Variants in SUN3 observed in about 807,000 individuals in gnomAD.
The protein encoded by SUN3 is SUN domain-containing protein 3.
In SUN3, 36 loss-of-function variants were observed where a neutral mutation model predicts 48.2. That is an observed-to-expected ratio of 0.75 (90% CI 0.57 to 0.99). SUN3 has a LOEUF of 0.99. Ranked by LOEUF, SUN3 falls within the 50% of genes least tolerant of loss-of-function variation. The probability of loss-of-function intolerance (pLI) is 0.00; values close to 1 mark genes in which losing one functional copy is unlikely to be tolerated. For missense variants in SUN3, 419 were observed against 433.1 expected (o/e 0.97, Z 0.29); for synonymous variants, 148 against 147.9 (o/e 1.00, Z 0.00).
the SUN3 span, among the ~76,000 whole-genome samples, chr7:48,034,743 C>G: frequency 6.6e-6 from 1 of 152,152 alleles, no homozygotes; most frequent in Non-Finnish European, 1.5e-5. Context: ...ACTCATTGTA[C>G]TTTCTGTAGA....
rs1790213422 is a variant in SUN3, at chr7:48,028,941, T to C, written c.-3A>G. The C allele has an allele frequency of 6.2e-7, 1 of 1,613,590 alleles. No individual in the cohort carries two copies. The highest frequency in any genetic ancestry group is 8.5e-7 in the Non-Finnish European group (1 of 1,179,794). ...CTTGCCTTTGTTTTTCCACTCATGA[T>C]CCCCTACCAAAGAACAAACAGCTGG... On this transcript the variant is annotated 5_prime_UTR_variant, in exon 1 of 10. Transcript: ENST00000297325.
chr7:48,032,661 A>T (rs1369645265), upstream of SUN3, among the ~76,000 whole-genome samples: 1 of 152,246 alleles, frequency 6.6e-6, no homozygotes, highest in Non-Finnish European at 1.5e-5. Flanking sequence ...AAAAAGCACA[A>T]AATGTAAAAG....
intron 2 of SUN3, among the ~76,000 whole-genome samples, chr7:48,018,753 T>G (rs1245710837): frequency 6.6e-6 from 1 of 152,062 alleles, no homozygotes; most frequent in African/African-American, 2.4e-5. Flanking sequence ...AATATTAAAA[T>G]GCTCAATTTG....
chr7:48,016,931 A>T (rs982567445), intron 3 of SUN3, among the ~76,000 whole-genome samples: 5 of 152,136 alleles, frequency 3.3e-5, no homozygotes, highest in African/African-American at 1.2e-4. Context: ...CAGAGAGAGA[A>T]ATGGGGCCAA....
At chr7:48,031,780 A>T (rs940196599), upstream of SUN3, among the ~76,000 whole-genome samples, 2 of 152,118 alleles carry the variant, frequency 1.3e-5, no homozygotes, top group Non-Finnish European at 2.9e-5. Flanking sequence ...TTACAAGCCA[A>T]GATATAAAAA....
intron 8 of SUN3, among the ~76,000 whole-genome samples, chr7:47,992,783 A>G (rs1789103738): frequency 6.6e-6 from 1 of 152,206 alleles, no homozygotes; most frequent in Admixed American, 6.5e-5. Flanking sequence ...AATCAACATA[A>G]TGGGGGAATA....
At chr7:48,003,111 G>A (rs1305486884) in intron 6 of SUN3, among the ~76,000 whole-genome samples, 1 of 152,012 alleles carries the variant, frequency 6.6e-6, no homozygotes, top group Non-Finnish European at 1.5e-5. Context: ...ATATGGAAGG[G>A]GTCCAATTTC....
chr7:47,997,748 C>T (rs1409648364), intron 6 of SUN3, among the ~76,000 whole-genome samples: 1 of 152,166 alleles, frequency 6.6e-6, no homozygotes, highest in Non-Finnish European at 1.5e-5. Flanking sequence ...ACCTCTCTCC[C>T]CAAGCCTTGG....
At chr7:47,995,012 G>A (rs1451097259) in intron 7 of SUN3, among the ~76,000 whole-genome samples, 1 of 152,052 alleles carries the variant, frequency 6.6e-6, no homozygotes, top group African/African-American at 2.4e-5. Context: ...TGCAATAGTG[G>A]TCATGGCAAT....
chr7:48,006,102 C>CT, intron 5 of SUN3, 49 bp from the exon 6 acceptor site: 1 of 1,326,812 alleles, frequency 7.5e-7, no homozygotes, highest in Non-Finnish European at 1.1e-6. Context: ...TTGCCAACTG[C>CT]TTGAGTTTTG....
intron 4 of SUN3, among the ~76,000 whole-genome samples, chr7:48,008,257 T>A (rs4332046): frequency 0.47 from 70,872 of 152,012 alleles, 17,300 homozygotes; most frequent in African/African-American, 0.62. Flanking sequence ...CATTTGTAAA[T>A]CAATACATGT....
intron 2 of SUN3, among the ~76,000 whole-genome samples, 171 bp from the exon 3 acceptor site, chr7:48,017,536 G>A (rs1013830030): frequency 2.0e-5 from 3 of 152,120 alleles, no homozygotes; most frequent in African/African-American, 4.8e-5. Flanking sequence ...AAAAAATCAG[G>A]CCTCCATGTA....
At chr7:47,990,625 C>T (rs1789031582) in intron 8 of SUN3, among the ~76,000 whole-genome samples, 1 of 152,066 alleles carries the variant, frequency 6.6e-6, no homozygotes, top group Non-Finnish European at 1.5e-5. Context: ...TGGGGAGGGG[C>T]AGGCCACCCC....
At chr7:48,007,136 T>TAGG (rs1348270465) in intron 5 of SUN3, 29 bp downstream of exon 5, 2 of 946,264 alleles carry the variant, frequency 2.1e-6, no homozygotes, top group Admixed American at 1.9e-5. Context: ...CACCCCACCC[T>TAGG]GCCCAACCCG....
At chr7:48,003,029 CT>C (rs58133143) in intron 6 of SUN3, among the ~76,000 whole-genome samples, 40,277 of 147,882 alleles carry the variant, frequency 0.27, 6,027 homozygotes, top group East Asian at 0.33. Context: ...CCAGGGTTTT[CT>C]TTTTTTTTTT....
At chr7:47,998,984 C>T (rs1789286948) in intron 6 of SUN3, among the ~76,000 whole-genome samples, 1 of 152,100 alleles carries the variant, frequency 6.6e-6, no homozygotes, top group Non-Finnish European at 1.5e-5. Flanking sequence ...CTTCTAGTTC[C>T]TTCACCATTC....
the SUN3 span, among the ~76,000 whole-genome samples, chr7:48,035,298 C>T: frequency 3.0e-4 from 45 of 151,928 alleles, no homozygotes; most frequent in African/African-American, 1.0e-3. The surrounding 1 kb of genome is among the most constrained non-coding windows in gnomAD (Gnocchi z 4.0). Context: ...AGGCCCTGCT[C>T]CCACCCCCGC....
intron 6 of SUN3, 32 bp downstream of exon 6, chr7:48,005,937 A>G (rs377014353): frequency 2.2e-6 from 3 of 1,390,970 alleles, no homozygotes; most frequent in Non-Finnish European, 3.0e-6. Context: ...TTTTTTTTTT[A>G]ATGTTCCTCT....
chr7:48,002,490 C>T (rs1336959242), intron 6 of SUN3, among the ~76,000 whole-genome samples: 1 of 150,954 alleles, frequency 6.6e-6, no homozygotes, highest in Non-Finnish European at 1.5e-5. Flanking sequence ...TCAGTGACGT[C>T]GAGATTTTTT....
Sources: allele counts gnomAD v4.1 joint callset (sites outside exome capture counted in the v4.1 genomes callset), GRCh38; gene constraint gnomAD v4.1.1; non-coding constraint Gnocchi (gnomAD v3.1); transcripts MANE v1.5; gene names NCBI Gene and HGNC (gene_info 2026-07-23, HGNC 2026-07-21).